Variants in CSMD1 observed in about 807,000 individuals in gnomAD.
CSMD1 encodes the protein CUB and sushi domain-containing protein 1.
CSMD1 carries 213 observed loss-of-function variants against 417.5 expected under a neutral mutation model. The observed-to-expected ratio is 0.51, with a 90% CI of 0.46 to 0.57. The LOEUF is 0.57. CSMD1 is among the 20% of genes least tolerant of loss of function. The pLI is 0.00. For missense variants in CSMD1, 6,923 were observed against 4,529.7 expected, an observed-to-expected ratio of 1.53 and a Z score of -15.17; for synonymous variants, 2,862 against 1,736.8, an observed-to-expected ratio of 1.65 and a Z score of -16.11.
intron 7 of CSMD1, among the ~76,000 whole-genome samples, chr8:3,704,572 A>G (rs1487317622): frequency 6.6e-6 from 1 of 152,210 alleles, no homozygotes; most frequent in Non-Finnish European, 1.5e-5. Flanking sequence ...TTTGTAATTC[A>G]GCTGTCAAAG....
intron 10 of CSMD1, among the ~76,000 whole-genome samples, chr8:3,516,824 T>C (rs748989967): frequency 6.6e-6 from 1 of 152,076 alleles, no homozygotes; most frequent in Non-Finnish European, 1.5e-5. Context: ...CATCGCTGAG[T>C]ATCTACCCAG....
Position 4,598,532 on chromosome 8 carries a change from T to C in CSMD1, c.302+38810A>G, listed in dbSNP as rs191443965. Among the ~76,000 whole-genome samples, 819 of 152,278 alleles carry C rather than the reference T, an allele frequency of 5.4e-3. 7 individuals carry two copies. The highest frequency in any genetic ancestry group is 7.8e-3 in the Non-Finnish European group (533 of 68,020). On this transcript the variant is annotated intron_variant, in intron 2 of 69. Transcript: ENST00000635120. ...TACAGGTGTGGCTGCTTAGTTACAA[T>C]GTATCTGCCAAAAGATGCAAGGAAA... is the stretch of plus-strand genomic sequence containing the variant.
chr8:3,915,635 T>C (rs745743121), intron 5 of CSMD1, among the ~76,000 whole-genome samples: 4 of 151,456 alleles, frequency 2.6e-5, no homozygotes, highest in South Asian at 2.1e-4. Context: ...TAATTATATA[T>C]AATTTAACAG....
intron 3 of CSMD1, among the ~76,000 whole-genome samples, chr8:4,179,247 A>G (rs908153111): frequency 3.3e-5 from 5 of 152,162 alleles, no homozygotes; most frequent in African/African-American, 1.2e-4. Flanking sequence ...TCAATGGAAC[A>G]GAACAGAGCC....
At chr8:4,045,503 C>G (rs1213251922) in intron 3 of CSMD1, among the ~76,000 whole-genome samples, 1 of 152,162 alleles carries the variant, frequency 6.6e-6, no homozygotes, top group Non-Finnish European at 1.5e-5. Context: ...GGGGGAAGAC[C>G]AGATCCAGGG....
chr8:4,027,106 T>C (rs562178819), intron 4 of CSMD1, among the ~76,000 whole-genome samples: 4 of 152,140 alleles, frequency 2.6e-5, no homozygotes, highest in African/African-American at 9.7e-5. Flanking sequence ...AACACAGCTT[T>C]GTGGAGCAAA....
intron 21 of CSMD1, among the ~76,000 whole-genome samples, chr8:3,355,087 G>T (rs1474417389): frequency 6.6e-6 from 1 of 151,944 alleles, no homozygotes; most frequent in Non-Finnish European, 1.5e-5. Flanking sequence ...GGATAAGGGT[G>T]TTGATATTTT....
intron 7 of CSMD1, among the ~76,000 whole-genome samples, chr8:3,629,383 T>TA (rs1796661458): frequency 6.6e-6 from 1 of 152,204 alleles, no homozygotes; most frequent in Admixed American, 6.5e-5. Flanking sequence ...TGTATTTAGT[T>TA]ACATATAGTT....
intron 12 of CSMD1, among the ~76,000 whole-genome samples, chr8:3,465,081 CA>C (rs757340141): frequency 3.2e-4 from 48 of 152,192 alleles, no homozygotes; most frequent in Admixed American, 1.7e-3. Context: ...ATACACATGC[CA>C]ACTGAAGTCT....
intron 23 of CSMD1, among the ~76,000 whole-genome samples, chr8:3,314,924 T>TTCTA (rs1467852758): frequency 2.0e-5 from 3 of 152,234 alleles, no homozygotes; most frequent in Non-Finnish European, 1.5e-5. Context: ...TTTTTTCAGC[T>TTCTA]TCTATCTGAG....
At chr8:4,003,212 T>C (rs774429383) in intron 4 of CSMD1, among the ~76,000 whole-genome samples, 16 of 151,906 alleles carry the variant, frequency 1.1e-4, no homozygotes, top group Admixed American at 2.0e-4. Context: ...GCTAACATGG[T>C]GAAACCCCCT....
At chr8:4,943,939 G>A (rs1237245540) in intron 1 of CSMD1, among the ~76,000 whole-genome samples, 1 of 152,186 alleles carries the variant, frequency 6.6e-6, no homozygotes, top group African/African-American at 2.4e-5. Context: ...ATTGATTATG[G>A]AAAGACAGAA....
At chr8:3,935,606 C>G (rs1035259771) in intron 5 of CSMD1, among the ~76,000 whole-genome samples, 1 of 152,080 alleles carries the variant, frequency 6.6e-6, no homozygotes, top group African/African-American at 2.4e-5. Flanking sequence ...TTTGTTGTAA[C>G]TATTGTAATT....
chr8:3,443,162 CCTT>C (rs568102970), intron 12 of CSMD1, among the ~76,000 whole-genome samples: 10 of 152,150 alleles, frequency 6.6e-5, no homozygotes, highest in Non-Finnish European at 1.3e-4. Flanking sequence ...CCACGTGTCA[CCTT>C]CTGCTGCAAA....
chr8:4,689,870 T>A (rs1247318958), intron 1 of CSMD1, among the ~76,000 whole-genome samples: 1 of 152,196 alleles, frequency 6.6e-6, no homozygotes, highest in Non-Finnish European at 1.5e-5. Context: ...TTTATATGAA[T>A]GATTAAAACT....
intron 2 of CSMD1, among the ~76,000 whole-genome samples, chr8:4,486,170 TATATACATAC>T (rs1394843888): frequency 1.6e-4 from 2 of 12,618 alleles, no homozygotes; most frequent in African/African-American, 6.0e-4. Flanking sequence ...TACATATATA[TATATACATAC>T]ATATATATAT....
intron 49 of CSMD1, among the ~76,000 whole-genome samples, chr8:3,082,967 G>C (rs1281166290): frequency 1.3e-5 from 2 of 152,146 alleles, no homozygotes; most frequent in Non-Finnish European, 2.9e-5. Flanking sequence ...GTGCTGATTT[G>C]GGTGGCGAAG....
chr8:4,867,155 TA>T (rs965040321), intron 1 of CSMD1, among the ~76,000 whole-genome samples: 1 of 152,082 alleles, frequency 6.6e-6, no homozygotes, highest in African/African-American at 2.4e-5. Flanking sequence ...ATTTACAATT[TA>T]TTTAACCACT....
At chr8:3,409,367 C>G in intron 13 of CSMD1, 56 bp downstream of exon 13, 1 of 1,429,238 alleles carries the variant, frequency 7.0e-7, no homozygotes, top group East Asian at 2.5e-5. Context: ...TCCTTTTCTC[C>G]CCTTGCAAGA....
Sources: gnomAD v4.1 joint callset for allele counts (sites outside exome capture counted in the v4.1 genomes callset) on GRCh38, gnomAD v4.1.1 for gene constraint, MANE v1.5 for transcripts, NCBI Gene and HGNC (gene_info 2026-07-23, HGNC 2026-07-21) for gene names.